The following PHACTR1 variants were observed in gnomAD, a reference collection of about 807,000 sequenced individuals.
The protein encoded by PHACTR1 is phosphatase and actin regulator 1, also known as RPEL repeat containing 1.
PHACTR1 carries 16 observed loss-of-function variants against 69.2 expected under a neutral mutation model. The observed-to-expected ratio is 0.23, with a 90% CI of 0.16 to 0.35. PHACTR1 has a LOEUF of 0.35. Among genes scored for constraint, PHACTR1 ranks in the 10% least tolerant of loss-of-function variants. The pLI is 1.00. For missense variants in PHACTR1, 510 were observed against 734.7 expected (o/e 0.69, Z 3.54); for synonymous variants, 312 against 284.5 (o/e 1.10, Z -0.97).
chr6:12,800,872 C>G (rs9472590), intron 4 of PHACTR1, among the ~76,000 whole-genome samples: 56,176 of 151,072 alleles, frequency 0.37, 11,221 homozygotes, highest in African/African-American at 0.5. Flanking sequence ...CTGGGTGTCA[C>G]AGTGAGACCC....
In PHACTR1 at chr6:12,828,922, A is replaced by G. The variant is rs376675453; in HGVS notation, c.250+79132A>G. On this transcript the variant is annotated intron_variant, in intron 4 of 14. Transcript: ENST00000332995. The stretch of plus-strand genomic sequence containing the variant: ...TATAGTACTGTAGAGTGAATATAGC[A>G]AACAATTTATTGTATATGTTCAAAA... Among the ~76,000 whole-genome samples, 11 of 152,202 alleles carry G rather than the reference A, an allele frequency of 7.2e-5. No homozygotes were observed. The East Asian group carries it at 1.3e-3, about 19-fold the overall frequency.
At chr6:12,958,117 T>G (rs979430795) in intron 4 of PHACTR1, 5 of 836,066 alleles carry the variant, frequency 6.0e-6, no homozygotes, top group African/African-American at 1.8e-5. Context: ...TATGCTTTGT[T>G]CGGTTTAGAG....
At chr6:12,975,490 G>C (rs553540663) in intron 4 of PHACTR1, among the ~76,000 whole-genome samples, 1 of 152,112 alleles carries the variant, frequency 6.6e-6, no homozygotes, top group South Asian at 2.1e-4. Context: ...ATGTTATAGC[G>C]CTGAGACATT....
intron 5 of PHACTR1, among the ~76,000 whole-genome samples, chr6:13,141,603 C>T (rs1205047765): frequency 2.0e-5 from 3 of 152,110 alleles, no homozygotes; most frequent in South Asian, 2.1e-4. Flanking sequence ...TTGTCATTAC[C>T]GTGAGGATGA....
intron 5 of PHACTR1, among the ~76,000 whole-genome samples, chr6:13,067,487 A>G (rs1386821541): frequency 6.6e-6 from 1 of 152,234 alleles, no homozygotes; most frequent in Non-Finnish European, 1.5e-5. Context: ...AAGCTCATCA[A>G]TAAAAACTGA....
chr6:13,271,082 C>T (rs1377588966), intron 10 of PHACTR1, among the ~76,000 whole-genome samples: 1 of 150,904 alleles, frequency 6.6e-6, no homozygotes, highest in Non-Finnish European at 1.5e-5. Context: ...AATGTCGGCT[C>T]ACTGCAACCT....
intron 10 of PHACTR1, chr6:13,230,545 C>CA (rs59473759): frequency 0.06 from 5,604 of 93,600 alleles, 241 homozygotes; most frequent in African/African-American, 0.13. Context: ...GACTCTGTCT[C>CA]AAAAAAAAAA....
At chr6:12,938,812 A>G (rs1789750815) in intron 4 of PHACTR1, among the ~76,000 whole-genome samples, 1 of 151,748 alleles carries the variant, frequency 6.6e-6, no homozygotes, top group Non-Finnish European at 1.5e-5. Flanking sequence ...TAAAGGATGA[A>G]CTTTTTTTTT....
intron 4 of PHACTR1, among the ~76,000 whole-genome samples, chr6:12,750,680 TC>T (rs1766512041): frequency 6.6e-6 from 1 of 152,064 alleles, no homozygotes; most frequent in African/African-American, 2.4e-5. Flanking sequence ...CATCTACTGT[TC>T]CCTCTGCTGC....
chr6:13,205,268 G>A (rs1443969066), intron 7 of PHACTR1, among the ~76,000 whole-genome samples: 1 of 152,184 alleles, frequency 6.6e-6, no homozygotes, highest in Non-Finnish European at 1.5e-5. Flanking sequence ...GTTCCTGGGA[G>A]AGCTCGAACT....
chr6:12,909,020 T>A (rs1582424417), intron 4 of PHACTR1, among the ~76,000 whole-genome samples: 1 of 152,082 alleles, frequency 6.6e-6, no homozygotes, highest in Non-Finnish European at 1.5e-5. Flanking sequence ...AAATGATCAG[T>A]GCATAGCAGT....
intron 4 of PHACTR1, among the ~76,000 whole-genome samples, chr6:12,995,766 G>A (rs1210748149): frequency 6.6e-6 from 1 of 151,806 alleles, no homozygotes; most frequent in African/African-American, 2.4e-5. Flanking sequence ...AAAATTACGA[G>A]GGAAAACTAA....
chr6:12,804,864 G>A lies in PHACTR1; in HGVS notation c.250+55074G>A, dbSNP rs556771399. On this transcript the variant is annotated intron_variant, in intron 4 of 14. Transcript: ENST00000332995. The stretch of plus-strand genomic sequence containing the variant: ...GAATAGACCTCAACTGAGCATACTA[G>A]TAACTTACGTATGTGAAAATAAATA... 4.6e-5 allele frequency among the ~76,000 whole-genome samples: 7 copies of A among 152,250 alleles called. No individual in the cohort carries two copies. In the East Asian group the frequency reaches 1.3e-3, roughly 29 times the overall value.
At chr6:12,772,279 G>T (rs1377498228) in intron 4 of PHACTR1, among the ~76,000 whole-genome samples, 1 of 152,176 alleles carries the variant, frequency 6.6e-6, no homozygotes, top group Non-Finnish European at 1.5e-5. Flanking sequence ...TTCAGGATAT[G>T]CAGGTTCACA....
chr6:13,214,079 C>A (rs1767297838), intron 8 of PHACTR1: 3 of 152,026 alleles, frequency 2.0e-5, no homozygotes, highest in Admixed American at 2.0e-4. Flanking sequence ...AGTGGAGATA[C>A]CATGATCACG....
intron 4 of PHACTR1, among the ~76,000 whole-genome samples, chr6:13,027,492 C>T (rs1801860853): frequency 6.6e-6 from 1 of 152,120 alleles, no homozygotes; most frequent in Non-Finnish European, 1.5e-5. Flanking sequence ...ACCAACACTT[C>T]TCAAGTTAAG....
At chr6:13,163,707 T>A (rs1233476744) in intron 6 of PHACTR1, among the ~76,000 whole-genome samples, 1 of 152,170 alleles carries the variant, frequency 6.6e-6, no homozygotes, top group East Asian at 1.9e-4. Context: ...CTGGAATCAG[T>A]TTCAATTCTA....
chr6:13,195,290 G>A (rs1251558803), intron 7 of PHACTR1, among the ~76,000 whole-genome samples: 1 of 152,134 alleles, frequency 6.6e-6, no homozygotes, highest in African/African-American at 2.4e-5. Flanking sequence ...TATAGCTAAG[G>A]TTAAGTAATT....
intron 10 of PHACTR1, among the ~76,000 whole-genome samples, chr6:13,250,388 G>A (rs1562067772): frequency 1.3e-5 from 2 of 152,170 alleles, no homozygotes; most frequent in South Asian, 4.1e-4. Context: ...TCTTAGTCCA[G>A]ATCCGCCTGT....
Sources: gnomAD v4.1 joint callset for allele counts (sites outside exome capture counted in the v4.1 genomes callset) on GRCh38, gnomAD v4.1.1 for gene constraint, MANE v1.5 for transcripts, NCBI Gene and HGNC (gene_info 2026-07-23, HGNC 2026-07-21) for gene names.